Variants in MCF2 observed in about 807,000 individuals in gnomAD.
MCF2 encodes the protein MCF.2 cell line derived transforming sequence.
MCF2 carries 44 observed loss-of-function variants against 82.5 expected under a neutral mutation model. That is an observed-to-expected ratio of 0.53 (90% confidence interval 0.42 to 0.69). The LOEUF (loss-of-function observed/expected upper bound fraction) is 0.69, where lower values mean the gene tolerates loss of function less well. MCF2 is among the 30% of genes least tolerant of loss of function. MCF2 has a pLI of 0.00. For missense variants in MCF2, 623 were observed against 663.1 expected, an observed-to-expected ratio of 0.94 and a Z score of 0.66; for synonymous variants, 217 against 224.9, an observed-to-expected ratio of 0.96 and a Z score of 0.32.
chrX:139,640,311 A>G (rs1246044764), intron 1 of MCF2, among the ~76,000 whole-genome samples: 1 of 111,887 alleles, frequency 8.9e-6, no homozygotes, highest in Non-Finnish European at 1.9e-5. Context: ...CCATCTCTGC[A>G]GAATATGTTG....
chrX:139,637,279 A>C (rs1455727729), intron 1 of MCF2, among the ~76,000 whole-genome samples: 4 of 111,813 alleles, frequency 3.6e-5, no homozygotes, highest in Non-Finnish European at 7.5e-5. Context: ...GGTGGCACTC[A>C]AACAATTCAT....
At chrX:139,633,655 G>GT (rs1208220145) in intron 1 of MCF2, among the ~76,000 whole-genome samples, 18 of 109,574 alleles carry the variant, frequency 1.6e-4, no homozygotes, top group Admixed American at 6.9e-4. Context: ...AGGATCATGG[G>GT]TTTTTTTTTC....
chrX:139,701,593 G>C (rs1009516689), intron 1 of MCF2, among the ~76,000 whole-genome samples: 2 of 111,759 alleles, frequency 1.8e-5, no homozygotes, highest in Non-Finnish European at 3.8e-5. Context: ...TGCCTAGCCA[G>C]CACCCCATGA....
At chrX:139,610,625 A>G (rs1200303474) in intron 10 of MCF2, among the ~76,000 whole-genome samples, 1 of 111,880 alleles carries the variant, frequency 8.9e-6, no homozygotes, top group Non-Finnish European at 1.9e-5. Flanking sequence ...TTATTTGCAG[A>G]TTTAGTATTC....
At chrX:139,685,521 C>T (rs754924551) in intron 1 of MCF2, among the ~76,000 whole-genome samples, 4 of 111,125 alleles carry the variant, frequency 3.6e-5, no homozygotes, top group Non-Finnish European at 5.7e-5. Context: ...CTTGCTCAAT[C>T]GATCACGACC....
Position 139,604,995 on chromosome X carries a change from T to C in MCF2, c.1558-11A>G. 2 of 966,007 alleles carry C rather than the reference T, an allele frequency of 2.1e-6. No homozygotes were observed. The highest frequency in any genetic ancestry group is 2.9e-6 in the Non-Finnish European group (2 of 696,444). The allele number at this position is 966,007 out of a possible 1,213,427, so 79.6% of individuals were successfully genotyped here. On this transcript the variant is annotated splice_polypyrimidine_tract_variant and intron_variant, in intron 13 of 24. Coordinates refer to ENST00000370576, the Ensembl canonical transcript of MCF2. The stretch of plus-strand genomic sequence containing the variant: ...CTCCGCTCTATAACCCTACCCAAAA[T>C]AAATACATTCATGCATTTTAAAATA...
At chrX:139,707,739 A>G (rs1485983533) in intron 1 of MCF2, among the ~76,000 whole-genome samples, 1 of 111,863 alleles carries the variant, frequency 8.9e-6, no homozygotes, top group East Asian at 2.8e-4. Flanking sequence ...TGCACACCAG[A>G]TTTGTTATAC....
intron 6 of MCF2, among the ~76,000 whole-genome samples, chrX:139,621,562 A>C (rs1489898282): frequency 8.9e-6 from 1 of 111,847 alleles, no homozygotes; most frequent in Non-Finnish European, 1.9e-5. Flanking sequence ...CAGAGCACTC[A>C]GAAATAATGC....
At chrX:139,601,784 G>A (rs182486639) in intron 16 of MCF2, among the ~76,000 whole-genome samples, 2 of 111,243 alleles carry the variant, frequency 1.8e-5, no homozygotes, top group Non-Finnish European at 3.8e-5. Flanking sequence ...AAAACCCCAG[G>A]AGATATTTCT....
At chrX:139,685,567 A>C (rs920927207) in intron 1 of MCF2, among the ~76,000 whole-genome samples, 2 of 110,957 alleles carry the variant, frequency 1.8e-5, no homozygotes, top group Admixed American at 1.9e-4. Context: ...GTCAGCCCTT[A>C]AAAGGGACAG....
At chrX:139,616,722 G>C (rs1335894871) in intron 8 of MCF2, among the ~76,000 whole-genome samples, 1 of 111,141 alleles carries the variant, frequency 9.0e-6, no homozygotes, top group Non-Finnish European at 1.9e-5. Context: ...CCGAGGTTGG[G>C]AAACACTGCA....
chrX:139,699,461 A>G (rs1935443892), intron 1 of MCF2, among the ~76,000 whole-genome samples: 1 of 112,200 alleles, frequency 8.9e-6, no homozygotes, highest in Non-Finnish European at 1.9e-5. Flanking sequence ...AGAACATCTC[A>G]TCGTCCCCAA....
chrX:139,671,964 T>A lies in MCF2; in HGVS notation c.-44-20176A>T, dbSNP rs762923099. Among the ~76,000 whole-genome samples the A allele has an allele frequency of 6.3e-5, 7 of 111,936 alleles. No individual in the cohort carries two copies. The South Asian group carries it at 1.9e-3, about 30-fold the overall frequency. Reference sequence around the variant, plus strand: ...TCCATGAGCTTGGAATGTTCTTCCATTTGTTTGTGTCCTCTTTTATTTTGC... The same window carrying A: ...TCCATGAGCTTGGAATGTTCTTCCAATTGTTTGTGTCCTCTTTTATTTTGC... On this transcript the variant is annotated intron_variant, in intron 1 of 27. Coordinates refer to the MCF2 transcript ENST00000414978.
intron 1 of MCF2, among the ~76,000 whole-genome samples, chrX:139,695,686 G>A (rs1309141494): frequency 1.8e-5 from 2 of 111,801 alleles, no homozygotes; most frequent in East Asian, 5.7e-4. Flanking sequence ...TAGACTCCCT[G>A]AACCAAACAC....
intron 1 of MCF2, among the ~76,000 whole-genome samples, chrX:139,655,782 C>T (rs1934176264): frequency 9.0e-6 from 1 of 111,080 alleles, no homozygotes; most frequent in Non-Finnish European, 1.9e-5. Context: ...TAGGTTTTTC[C>T]GGGTACAAGA....
At chrX:139,670,122 C>T (rs182939590) in intron 1 of MCF2, among the ~76,000 whole-genome samples, 6 of 105,827 alleles carry the variant, frequency 5.7e-5, no homozygotes, top group Non-Finnish European at 9.5e-5. Flanking sequence ...TTCATTTGAA[C>T]GATGAATGTA....
intron 15 of MCF2, among the ~76,000 whole-genome samples, chrX:139,604,395 T>C (rs1489920898): frequency 1.8e-5 from 2 of 110,333 alleles, no homozygotes; most frequent in Non-Finnish European, 3.8e-5. Flanking sequence ...ATAGTCAGGA[T>C]GGTCCCTGGA....
intron 1 of MCF2, among the ~76,000 whole-genome samples, chrX:139,656,471 G>A (rs1197971766): frequency 1.8e-5 from 2 of 112,329 alleles, no homozygotes; most frequent in Non-Finnish European, 3.8e-5. Flanking sequence ...GCCCACAACT[G>A]TGCCAATAAA....
intron 1 of MCF2, among the ~76,000 whole-genome samples, chrX:139,656,320 C>G (rs759488757): frequency 8.9e-5 from 10 of 112,056 alleles, no homozygotes; most frequent in African/African-American, 3.2e-4. Flanking sequence ...CCTCGGCCTC[C>G]CAAAGTGCTG....
Sources: gnomAD v4.1 joint callset for allele counts (sites outside exome capture counted in the v4.1 genomes callset) on GRCh38, gnomAD v4.1.1 for gene constraint, MANE v1.5 for transcripts, NCBI Gene and HGNC (gene_info 2026-07-23, HGNC 2026-07-21) for gene names.